The following RPS6KA2 variants were observed in gnomAD, a reference collection of about 807,000 sequenced individuals.
The protein encoded by RPS6KA2 is ribosomal protein S6 kinase A2.
RPS6KA2 carries 42 observed loss-of-function variants against 91.8 expected under a neutral mutation model. The ratio of observed to expected loss-of-function variants is 0.46; its 90% CI spans 0.36 to 0.59. The LOEUF is 0.59. Among genes scored for constraint, RPS6KA2 ranks in the 20% least tolerant of loss-of-function variants. The probability of loss-of-function intolerance (pLI) is 0.00; values close to 1 mark genes in which losing one functional copy is unlikely to be tolerated. For missense variants in RPS6KA2, 798 were observed against 978.5 expected (o/e 0.82, Z 2.46); for synonymous variants, 414 against 393.6 (o/e 1.05, Z -0.61).
chr6:166,461,235 G>A (rs762759274), intron 11 of RPS6KA2, among the ~76,000 whole-genome samples: 14 of 152,166 alleles, frequency 9.2e-5, no homozygotes, highest in Non-Finnish European at 1.9e-4. Flanking sequence ...CATTAGCACC[G>A]AGTTACTCTT....
intron 1 of RPS6KA2, among the ~76,000 whole-genome samples, chr6:166,624,247 CAA>C (rs1053837546): frequency 2.0e-4 from 30 of 152,286 alleles, no homozygotes; most frequent in African/African-American, 6.5e-4. Flanking sequence ...CAAAAATTTT[CAA>C]AGTCTTTGTA....
At chr6:166,512,210 G>A (rs550380429) in intron 3 of RPS6KA2, among the ~76,000 whole-genome samples, 1 of 152,256 alleles carries the variant, frequency 6.6e-6, no homozygotes, top group South Asian at 2.1e-4. Flanking sequence ...AGTGAAATAA[G>A]CCAGACACAA....
rs1327592553 is a variant in RPS6KA2 at position 166,635,326 on chromosome 6, C to T, written c.124-96542G>A. Among the ~76,000 whole-genome samples, 2 of 152,194 alleles carry T rather than the reference C, an allele frequency of 1.3e-5. No homozygotes were observed. The highest frequency in any genetic ancestry group is 1.9e-4 in the East Asian group (1 of 5,182). On this transcript the variant is annotated intron_variant, in intron 2 of 21. Coordinates refer to the RPS6KA2 transcript ENST00000503859. The surrounding 1 kb of genome is among the most constrained non-coding windows in gnomAD (Gnocchi z 4.8). ...GGCACAGCAGGGACTCCTGCCCTGACGGGCACTGCAGTCTCTGGGGTAGCA... is the reference window on the plus strand; with the variant it reads ...GGCACAGCAGGGACTCCTGCCCTGATGGGCACTGCAGTCTCTGGGGTAGCA...
rs556599889 is a variant in RPS6KA2, at chr6:166,538,657, G to T, written c.216+11C>A. On this transcript the variant is annotated intron_variant, in intron 2 of 20. Coordinates refer to ENST00000265678, the MANE Select transcript of RPS6KA2 (RefSeq NM_021135.6). ...GAATGAGACTCAAGAGACAGCCAGG[G>T]CTGAACTTACCTTTCCATAGGATCC... 9.6e-6 allele frequency: 14 copies of T among 1,456,648 alleles called. No individual in the cohort carries two copies. In the East Asian group the frequency reaches 3.0e-4, roughly 31 times the overall value. The allele number at this position is 1,456,648 out of a possible 1,614,324, so 90.2% of individuals were successfully genotyped here. A position where few individuals can be genotyped will look rare whatever the true frequency, so the allele number is the denominator to read the frequency against.
intron 2 of RPS6KA2, among the ~76,000 whole-genome samples, chr6:166,728,606 C>T (rs1175530043): frequency 1.3e-5 from 2 of 152,208 alleles, no homozygotes; most frequent in Non-Finnish European, 2.9e-5. Flanking sequence ...CCCTCCAGCA[C>T]ACAATCCAGA....
intron 2 of RPS6KA2, among the ~76,000 whole-genome samples, chr6:166,744,863 G>A (rs1411450418): frequency 6.6e-6 from 1 of 152,178 alleles, no homozygotes; most frequent in East Asian, 1.9e-4. Context: ...AAAGCTTAGG[G>A]GGCCTGGGCC....
At chr6:166,543,039 C>T (rs1212047615) in intron 1 of RPS6KA2, among the ~76,000 whole-genome samples, 4 of 152,044 alleles carry the variant, frequency 2.6e-5, no homozygotes, top group African/African-American at 7.3e-5. Context: ...TGGAAAAGAA[C>T]GTATCTCCAA....
chr6:166,696,079 C>G (rs777608294), intron 2 of RPS6KA2, among the ~76,000 whole-genome samples: 9 of 152,200 alleles, frequency 5.9e-5, no homozygotes, highest in African/African-American at 1.9e-4. Flanking sequence ...TTGTCTTCCA[C>G]GAAACCGGTC....
chr6:166,483,087 G>A, intron 10 of RPS6KA2, among the ~76,000 whole-genome samples: 1 of 152,236 alleles, frequency 6.6e-6, no homozygotes, highest in Middle Eastern at 3.2e-3. Context: ...AAGACTGCGG[G>A]GAGCCTTTGG....
At position 166,821,643 on chromosome 6, in the gene RPS6KA2, G is replaced by T. The variant is rs1779906977; in HGVS notation, c.123+36557C>A. Among the ~76,000 whole-genome samples, 2 of 151,688 alleles carry T rather than the reference G, an allele frequency of 1.3e-5. No homozygotes were observed. Among genetic ancestry groups the T allele is most frequent in the South Asian group, 4.2e-4 (2 of 4,800 alleles). The stretch of plus-strand genomic sequence containing the variant: ...TCACTTATTCCCTTTCACTATTGCT[G>T]TGCCCCAGATTTCCACTCGGAGCCC... On this transcript the variant is annotated intron_variant, in intron 2 of 21. Coordinates refer to the RPS6KA2 transcript ENST00000503859. This position sits in a 1 kb window ranked among gnomAD's most constrained non-coding sequence, Gnocchi z 4.1.
rs1306733717 is a variant in RPS6KA2 at position 166,732,957 on chromosome 6, C to T, written c.123+125243G>A. On this transcript the variant is annotated intron_variant, in intron 2 of 21. Coordinates refer to the RPS6KA2 transcript ENST00000503859. The surrounding 1 kb of genome is among the most constrained non-coding windows in gnomAD (Gnocchi z 4.0). ...TGCTGGCTTAGAGGAAATGAGGAAC[C>T]GGAGCGGCTGGGGTGCAGGGTGGGA... 2.0e-5 allele frequency among the ~76,000 whole-genome samples: 3 copies of T among 152,072 alleles called. No individual in the cohort carries two copies. Among genetic ancestry groups the T allele is most frequent in the Non-Finnish European group, 2.9e-5 (2 of 68,014 alleles).
chr6:166,759,819 C>T lies in RPS6KA2; in HGVS notation c.123+98381G>A, dbSNP rs570531387. 3.3e-5 allele frequency among the ~76,000 whole-genome samples: 5 copies of T among 152,316 alleles called. No homozygotes were observed. The South Asian group carries it at 1.0e-3, about 32-fold the overall frequency. ...CTCCTGCGGAAGACACAGCCGCAGC[C>T]GAGTCCGTATCCTCGCCCAGCGGTC... On this transcript the variant is annotated intron_variant, in intron 2 of 21. Coordinates refer to the RPS6KA2 transcript ENST00000503859.
chr6:166,544,437 C>T (rs1265006591), intron 1 of RPS6KA2, among the ~76,000 whole-genome samples: 1 of 152,174 alleles, frequency 6.6e-6, no homozygotes, highest in African/African-American at 2.4e-5. Flanking sequence ...CTTTGGTTAC[C>T]AGGAAAGCTG....
At chr6:166,546,036 C>T (rs1009851317) in intron 1 of RPS6KA2, among the ~76,000 whole-genome samples, 4 of 152,198 alleles carry the variant, frequency 2.6e-5, no homozygotes, top group South Asian at 4.1e-4. Context: ...GAAGTCCTCA[C>T]GGAAGCCTGG....
chr6:166,775,472 C>T (rs200580775), intron 2 of RPS6KA2, among the ~76,000 whole-genome samples: 1 of 152,146 alleles, frequency 6.6e-6, no homozygotes, highest in Non-Finnish European at 1.5e-5. Context: ...AAAATATAGG[C>T]CTTGGTTTTC....
intron 1 of RPS6KA2, among the ~76,000 whole-genome samples, chr6:166,558,352 C>T (rs75768460): frequency 0.025 from 3,757 of 152,302 alleles, 54 homozygotes; most frequent in Middle Eastern, 0.038. Flanking sequence ...AGCCCCTTTG[C>T]TCTGTTCAGA....
chr6:166,430,431 C>G (rs373869605), intron 16 of RPS6KA2, 22 bp downstream of exon 16: 1 of 1,595,212 alleles, frequency 6.3e-7, no homozygotes, highest in Non-Finnish European at 8.6e-7. Context: ...TCCCCGAAGG[C>G]TGCCCCAGGC....
intron 2 of RPS6KA2, among the ~76,000 whole-genome samples, chr6:166,831,748 T>C (rs1460375675): frequency 2.0e-5 from 3 of 150,412 alleles, no homozygotes; most frequent in Non-Finnish European, 4.4e-5. Flanking sequence ...TCTACATACA[T>C]ACACACAATA....
At chr6:166,851,314 T>C (rs1328500156) in intron 2 of RPS6KA2, among the ~76,000 whole-genome samples, 1 of 152,236 alleles carries the variant, frequency 6.6e-6, no homozygotes, top group East Asian at 1.9e-4. Flanking sequence ...TCCAACCTGC[T>C]GCTCCGCACA....
Sources: allele counts gnomAD v4.1 joint callset (sites outside exome capture counted in the v4.1 genomes callset), GRCh38; gene constraint gnomAD v4.1.1; non-coding constraint Gnocchi (gnomAD v3.1); transcripts MANE v1.5; gene names NCBI Gene and HGNC (gene_info 2026-07-23, HGNC 2026-07-21).